Variants in NTRK3 observed in about 807,000 individuals in gnomAD.
NTRK3 encodes neurotrophic receptor tyrosine kinase 3.
A neutral mutation model predicts 91.7 loss-of-function variants in NTRK3; 24 were observed. The observed-to-expected ratio is 0.26, with a 90% CI of 0.19 to 0.37. NTRK3 has a LOEUF of 0.37. Ranked by LOEUF, NTRK3 falls within the 10% of genes least tolerant of loss-of-function variation. The probability of loss-of-function intolerance (pLI) is 1.00; values close to 1 mark genes in which losing one functional copy is unlikely to be tolerated. For synonymous variants in NTRK3, 483 were observed against 404.0 expected, an observed-to-expected ratio of 1.20 and a Z score of -2.34; for missense variants, 880 against 1,068.9, an observed-to-expected ratio of 0.82 and a Z score of 2.46.
At chr15:88,198,171 G>T (rs957823819) in intron 3 of NTRK3, among the ~76,000 whole-genome samples, 2 of 152,212 alleles carry the variant, frequency 1.3e-5, no homozygotes, top group African/African-American at 4.8e-5. Context: ...CCATGGCAGG[G>T]AGGGTAACCC....
chr15:87,960,906 T>C (rs1218481764), intron 14 of NTRK3, among the ~76,000 whole-genome samples: 3 of 152,132 alleles, frequency 2.0e-5, no homozygotes, highest in Non-Finnish European at 2.9e-5. Context: ...TTCTTCTGCT[T>C]CCCAATCATT....
intron 13 of NTRK3, among the ~76,000 whole-genome samples, chr15:88,088,295 G>C (rs2048694201): frequency 6.6e-6 from 1 of 152,158 alleles, no homozygotes; most frequent in African/African-American, 2.4e-5. Flanking sequence ...GTTTAACATA[G>C]TAATCATAAT....
exon 13 of NTRK3, chr15:88,126,276 A>T (rs767212935): frequency 6.2e-7 from 1 of 1,611,966 alleles, no homozygotes; most frequent in East Asian, 2.2e-5. Flanking sequence ...CTTACCCTTC[A>T]TTCCAAATTT....
At chr15:88,171,387 T>TG (rs1242284412) in intron 5 of NTRK3, among the ~76,000 whole-genome samples, 4 of 152,152 alleles carry the variant, frequency 2.6e-5, no homozygotes, top group African/African-American at 4.8e-5. Flanking sequence ...GGGTCTCTGC[T>TG]GGGGGGCTCC....
intron 3 of NTRK3, among the ~76,000 whole-genome samples, chr15:88,191,122 G>A (rs376174270): frequency 3.3e-5 from 5 of 151,652 alleles, no homozygotes; most frequent in African/African-American, 1.2e-4. Context: ...CTATCATTAT[G>A]TTCAGAATAC....
At chr15:87,961,128 C>T (rs1400349510) in intron 14 of NTRK3, among the ~76,000 whole-genome samples, 1 of 152,210 alleles carries the variant, frequency 6.6e-6, no homozygotes, top group African/African-American at 2.4e-5. Context: ...GGGGTACTCA[C>T]TTATCTCGAC....
intron 13 of NTRK3, among the ~76,000 whole-genome samples, chr15:88,036,211 C>T (rs768981418): frequency 1.4e-4 from 21 of 152,016 alleles, no homozygotes; most frequent in Admixed American, 2.0e-4. Flanking sequence ...CACACACACA[C>T]GTATATCAAG....
chr15:88,186,803 A>G (rs2046980865), intron 3 of NTRK3, among the ~76,000 whole-genome samples: 4 of 152,058 alleles, frequency 2.6e-5, no homozygotes, highest in Admixed American at 2.6e-4. Context: ...AAAACCTGAA[A>G]TATTTACTCT....
chr15:87,969,232 C>T (rs1361119394), intron 14 of NTRK3, among the ~76,000 whole-genome samples: 1 of 152,176 alleles, frequency 6.6e-6, no homozygotes, highest in East Asian at 1.9e-4. Context: ...GAGCAGGGGC[C>T]TTCCGAATCC....
chr15:87,893,215 G>C (rs2065936936), intron 17 of NTRK3, among the ~76,000 whole-genome samples: 1 of 152,136 alleles, frequency 6.6e-6, no homozygotes. Context: ...CAAGCCATCA[G>C]CTCTATATAC....
At chr15:88,169,848 C>T (rs1302486888) in intron 5 of NTRK3, among the ~76,000 whole-genome samples, 1 of 152,160 alleles carries the variant, frequency 6.6e-6, no homozygotes, top group Non-Finnish European at 1.5e-5. Flanking sequence ...CTGACTTGCA[C>T]CCATCCTTAG....
intron 14 of NTRK3, among the ~76,000 whole-genome samples, chr15:88,012,079 AC>A (rs770356803): frequency 2.0e-5 from 3 of 152,020 alleles, no homozygotes; most frequent in Non-Finnish European, 4.4e-5. Context: ...AACAGAGCTC[AC>A]CCACCCTGTA....
chr15:88,166,844 A>G (rs1406205238), intron 5 of NTRK3, among the ~76,000 whole-genome samples: 1 of 152,184 alleles, frequency 6.6e-6, no homozygotes, highest in East Asian at 1.9e-4. Context: ...TAAAACAAGA[A>G]GATGGATTAC....
chr15:88,241,045 G>C lies in NTRK3; in HGVS notation c.248+14861C>G, dbSNP rs1339178979. On this transcript the variant is annotated intron_variant, in intron 3 of 18. Transcript: ENST00000394480. The surrounding 1 kb of genome is among the most constrained non-coding windows in gnomAD (Gnocchi z 4.3). ...TCTTTACTGAACACCTACTAGGTGG[G>C]GGCTCTTGGGGACAGAGCTGAATAA... is the stretch of plus-strand genomic sequence containing the variant. Among the ~76,000 whole-genome samples, 2 of 152,188 alleles carry C rather than the reference G, an allele frequency of 1.3e-5. No individual in the cohort carries two copies. Among genetic ancestry groups the C allele is most frequent in the Non-Finnish European group, 2.9e-5 (2 of 68,036 alleles).
intron 5 of NTRK3, among the ~76,000 whole-genome samples, chr15:88,151,084 C>T (rs971584027): frequency 6.6e-6 from 1 of 152,100 alleles, no homozygotes; most frequent in East Asian, 1.9e-4. Flanking sequence ...CATTATCACC[C>T]GTCTCTGACT....
intron 13 of NTRK3, among the ~76,000 whole-genome samples, chr15:88,083,597 A>G (rs1363658557): frequency 1.3e-5 from 2 of 152,192 alleles, no homozygotes; most frequent in Non-Finnish European, 2.9e-5. Context: ...AGTATGGGCC[A>G]AGATGGGACA....
intron 15 of NTRK3, among the ~76,000 whole-genome samples, chr15:87,937,329 A>G (rs1180663382): frequency 6.6e-6 from 1 of 152,268 alleles, no homozygotes; most frequent in Non-Finnish European, 1.5e-5. Context: ...TAGATTGGAG[A>G]GTTTTTATGG....
chr15:88,237,910 C>T lies in NTRK3; in HGVS notation c.248+17996G>A, dbSNP rs1378756654. ...TATTTTTGTGTTCCCCTCAAAATTC[C>T]TTTGTTGAAGTCCTAACCCCCAGTA... is the stretch of plus-strand genomic sequence containing the variant. On this transcript the variant is annotated intron_variant, in intron 3 of 18. Coordinates refer to ENST00000394480, the Ensembl canonical transcript of NTRK3. The surrounding 1 kb of genome is among the most constrained non-coding windows in gnomAD (Gnocchi z 4.0). Among the ~76,000 whole-genome samples the T allele has an allele frequency of 6.6e-6, 1 of 152,096 alleles. No homozygotes were observed. Among genetic ancestry groups the T allele is most frequent in the Non-Finnish European group, 1.5e-5 (1 of 68,010 alleles).
intron 5 of NTRK3, among the ~76,000 whole-genome samples, chr15:88,182,627 G>C (rs566529117): frequency 1.4e-4 from 21 of 152,136 alleles, no homozygotes; most frequent in Non-Finnish European, 2.1e-4. Context: ...ACTATCCTTG[G>C]AGTTGACCCA....
Sources: allele counts gnomAD v4.1 joint callset (sites outside exome capture counted in the v4.1 genomes callset), GRCh38; gene constraint gnomAD v4.1.1; non-coding constraint Gnocchi (gnomAD v3.1); transcripts MANE v1.5; gene names NCBI Gene and HGNC (gene_info 2026-07-23, HGNC 2026-07-21).